The following CELF3 variants were observed in gnomAD, a reference collection of about 807,000 sequenced individuals.
CELF3 encodes the protein CUGBP Elav-like family member 3.
A neutral mutation model predicts 59.6 loss-of-function variants in CELF3; 26 were observed. That is an observed-to-expected ratio of 0.44 (90% CI 0.32 to 0.61). The LOEUF is 0.61. Among genes scored for constraint, CELF3 ranks in the 20% least tolerant of loss-of-function variants. The pLI, the probability that CELF3 is intolerant of heterozygous loss-of-function variation, is 0.06. For missense variants in CELF3, 387 were observed against 627.2 expected (o/e 0.62, Z 4.09); for synonymous variants, 245 against 250.7 (o/e 0.98, Z 0.22).
intron 2 of CELF3, chr1:151,710,409 C>T (rs1465932651): frequency 6.7e-6 from 2 of 296,710 alleles, no homozygotes; most frequent in Admixed American, 4.3e-5. Context: ...CCGTCCCCGT[C>T]GCCCTGGCGA....
rs1672234797 is a variant in CELF3, at chr1:151,703,411, G to A, written c.*48C>T. The A allele has an allele frequency of 2.7e-6, 1 of 365,266 alleles. No homozygotes were observed. Among genetic ancestry groups the A allele is most frequent in the South Asian group, 1.9e-5 (1 of 51,454 alleles). The allele number at this position is 365,266 out of a possible 1,614,324, so 22.6% of individuals were successfully genotyped here. ...AGAGGGCCGGGGCCAGTCGTGGGAAGAGGGTGTGAGGCGCCCCTTCCTCTG... is the reference window on the plus strand; with the variant it reads ...AGAGGGCCGGGGCCAGTCGTGGGAAAAGGGTGTGAGGCGCCCCTTCCTCTG... On this transcript the variant is annotated 3_prime_UTR_variant, in exon 13 of 13. Coordinates refer to ENST00000290583, the MANE Select transcript of CELF3 (RefSeq NM_007185.7).
intron 8 of CELF3, 99 bp downstream of exon 8, chr1:151,707,046 G>A (rs1384956823): frequency 1.5e-6 from 2 of 1,308,720 alleles, no homozygotes; most frequent in East Asian, 2.7e-5. Context: ...GGAAGCACCT[G>A]TACCCCCAAA....
In CELF3 at chr1:151,702,206, C is replaced by G. The variant is rs939977468; in HGVS notation, c.*1253G>C. ...CTTGTGCCGAACTCTGCAGGACATTCCAGAATTAAGCCCCAAAGAAGGGCT... is the reference window on the plus strand; with the variant it reads ...CTTGTGCCGAACTCTGCAGGACATTGCAGAATTAAGCCCCAAAGAAGGGCT... On this transcript the variant is annotated 3_prime_UTR_variant, in exon 13 of 13. Coordinates refer to ENST00000290583, the MANE Select transcript of CELF3 (RefSeq NM_007185.7). 6.6e-6 allele frequency among the ~76,000 whole-genome samples: 1 copy of G among 152,174 alleles called. No individual in the cohort carries two copies. Among genetic ancestry groups the G allele is most frequent in the African/African-American group, 2.4e-5 (1 of 41,444 alleles).
chr1:151,710,492 T>C, intron 2 of CELF3: 1 of 317,968 alleles, frequency 3.1e-6, no homozygotes, highest in Non-Finnish European at 6.2e-6. Flanking sequence ...GTTAACAGGG[T>C]ATGCTGGGGG....
chr1:151,707,734 G>A, intron 6 of CELF3, 58 bp downstream of exon 6: 1 of 1,603,186 alleles, frequency 6.2e-7, no homozygotes, highest in South Asian at 1.1e-5. Context: ...CATCGGGAGG[G>A]TGGGGGCAAG....
intron 12 of CELF3, among the ~76,000 whole-genome samples, chr1:151,704,111 C>T (rs1672312138): frequency 6.6e-6 from 1 of 152,138 alleles, no homozygotes. Context: ...AGACAACACG[C>T]TCGTTCCATG....
In CELF3 at chr1:151,701,516, A is replaced by C. The variant is rs977227284; in HGVS notation, c.*1943T>G. On this transcript the variant is annotated 3_prime_UTR_variant, in exon 13 of 13. Coordinates refer to ENST00000290583, the MANE Select transcript of CELF3 (RefSeq NM_007185.7). The stretch of plus-strand genomic sequence containing the variant: ...AAGAAGAGAACATCATGGGCTTTGG[A>C]ATCTGACAAACTGGGTTCAACTCCT... Among the ~76,000 whole-genome samples, 2 of 152,128 alleles carry C rather than the reference A, an allele frequency of 1.3e-5. No individual in the cohort carries two copies.
chr1:151,702,317 T>G lies in CELF3; in HGVS notation c.*1142A>C, dbSNP rs1049824390. 1 of 152,176 alleles carries G rather than the reference T, an allele frequency of 6.6e-6. No individual in the cohort carries two copies. The highest frequency in any genetic ancestry group is 2.4e-5 in the African/African-American group (1 of 41,428). 9.4% of individuals were successfully genotyped at this position (152,176 alleles called of 1,614,324 possible). On this transcript the variant is annotated 3_prime_UTR_variant, in exon 13 of 13. Transcript: ENST00000290583. Reference sequence around the variant, plus strand: ...GCCTTCCCTGATGGGATTTTCTCTCTCAAACCTCATTCTCTACCTCCCTCC... The same window carrying G: ...GCCTTCCCTGATGGGATTTTCTCTCGCAAACCTCATTCTCTACCTCCCTCC...
In CELF3 at chr1:151,700,988, G is replaced by A. The variant is rs1672046655; in HGVS notation, c.*2471C>T. The A allele has an allele frequency of 6.6e-6, 1 of 152,226 alleles. No homozygotes were observed. The highest frequency in any genetic ancestry group is 6.5e-5 in the Admixed American group (1 of 15,280). 9.4% of individuals were successfully genotyped at this position (152,226 alleles called of 1,614,324 possible). A position where few individuals can be genotyped will look rare whatever the true frequency, so the allele number is the denominator to read the frequency against. On this transcript the variant is annotated 3_prime_UTR_variant, in exon 13 of 13. Coordinates refer to ENST00000290583, the MANE Select transcript of CELF3 (RefSeq NM_007185.7). ...GATACAGTGCTGGACAAAGCAGACT[G>A]GGTAGTAAATGTTGGTGAATTAACT...
Position 151,706,728 on chromosome 1 carries a change from C to G in CELF3, c.929G>C (p.Ser310Thr). 6.5e-7 allele frequency: 1 copy of G among 1,549,718 alleles called. No homozygotes were observed. The highest frequency in any genetic ancestry group is 8.7e-7 in the Non-Finnish European group (1 of 1,146,080). The change falls in exon 9 of 13, where the codon AGC becomes ACC. Residue 310 changes from serine to threonine, a missense_variant. By Grantham distance (58) the Ser-to-Thr change is moderately conservative. Around this residue, in one of 3 missense-constraint regions of CELF3, gnomAD observed 131 missense variants for 153.7 expected, o/e 0.85. Transcript: ENST00000290583. The part of the protein sequence containing the change: ...PNGVHPYPAQ[S>T]PAAPVDPLQQ... ...CAGGGGGTCCACGGGGGCCGCGGGG[C>G]TCTGGGCTGGGGAGAGCAGCACAGA...
At position 151,709,575 on chromosome 1, in the gene CELF3, GC is replaced by G; in HGVS notation, c.277+167del. 1.1e-6 allele frequency: 1 copy of G among 919,940 alleles called. No individual in the cohort carries two copies. The highest frequency in any genetic ancestry group is 1.7e-6 in the Non-Finnish European group (1 of 587,366). 57.0% of individuals were successfully genotyped at this position (919,940 alleles called of 1,614,324 possible). On this transcript the variant is annotated intron_variant, in intron 3 of 12. Coordinates refer to ENST00000290583, the MANE Select transcript of CELF3 (RefSeq NM_007185.7). The surrounding 1 kb of genome is among the most constrained non-coding windows in gnomAD (Gnocchi z 4.9). Reference sequence around the variant, plus strand: ...GGCCTCAGTTTTGCCATCTGTACCCGCCCCAGATCTCACCCGCTCTGGCCAC... The same window carrying G: ...GGCCTCAGTTTTGCCATCTGTACCCGCCCAGATCTCACCCGCTCTGGCCAC...
Position 151,709,128 on chromosome 1 carries a change from G to A in CELF3, c.407-51C>T, listed in dbSNP as rs767787604. On this transcript the variant is annotated intron_variant, in intron 4 of 12. Coordinates refer to ENST00000290583, the MANE Select transcript of CELF3 (RefSeq NM_007185.7). This position sits in a 1 kb window ranked among gnomAD's most constrained non-coding sequence, Gnocchi z 4.9. The stretch of plus-strand genomic sequence containing the variant: ...GAGGGGTAAGCACCCATCCCTGCGG[G>A]ACCCCGCGGTGGAACCCGATGCCTA... 1.2e-6 allele frequency: 2 copies of A among 1,607,264 alleles called. No individual in the cohort carries two copies. The highest frequency in any genetic ancestry group is 1.7e-6 in the Non-Finnish European group (2 of 1,174,746).
chr1:151,714,881 G>T (rs1260290260), intron 1 of CELF3, among the ~76,000 whole-genome samples: 2 of 152,124 alleles, frequency 1.3e-5, no homozygotes, highest in African/African-American at 2.4e-5. Flanking sequence ...TACTGGTGGT[G>T]ATGGGAGAGG....
chr1:151,703,560 G>C, intron 12 of CELF3, 112 bp from the exon 13 acceptor site: 1 of 317,538 alleles, frequency 3.1e-6, no homozygotes. Context: ...GGATGGGGCT[G>C]CCTGAGGAAG....
rs1365771424 is a variant in CELF3 at position 151,716,709 on chromosome 1, G to A, written c.-689C>T. 1 of 437,864 alleles carries A rather than the reference G, an allele frequency of 2.3e-6. No individual in the cohort carries two copies. The highest frequency in any genetic ancestry group is 4.6e-6 in the Non-Finnish European group (1 of 216,330). 27.1% of individuals were successfully genotyped at this position (437,864 alleles called of 1,614,324 possible). A position where few individuals can be genotyped will look rare whatever the true frequency, so the allele number is the denominator to read the frequency against. On this transcript the variant is annotated 5_prime_UTR_variant, in exon 1 of 13. Coordinates refer to ENST00000290583, the MANE Select transcript of CELF3 (RefSeq NM_007185.7). ...CCACCCCAGTCCCCGGGCCTGGGCT[G>A]CTGCCGGCTGCTCCCGCCGCTGGGG... is the stretch of plus-strand genomic sequence containing the variant.
rs892388655 is a variant in CELF3 at position 151,705,052 on chromosome 1, G to T, written c.1387C>A (p.Arg463=). ...CCACCTGGGGGCCCTCAGTAGGGCC[G>T]GTTGGCATCCTTAGGCCGCTTTAGC... ...VQLKRPKDAN[R]PY is the part of the protein sequence containing the mutation. Residue 463 remains arginine, a synonymous_variant, in exon 12 of 13, where the codon CGG becomes AGG. Coordinates refer to ENST00000290583, the MANE Select transcript of CELF3 (RefSeq NM_007185.7). This position sits in a 1 kb window ranked among gnomAD's most constrained non-coding sequence, Gnocchi z 5.1. The T allele has an allele frequency of 3.1e-6, 5 of 1,613,042 alleles. No individual in the cohort carries two copies. Among genetic ancestry groups the T allele is most frequent in the Middle Eastern group, 1.7e-4 (1 of 6,022 alleles).
At chr1:151,703,608 C>T (rs1307083826) in intron 12 of CELF3, among the ~76,000 whole-genome samples, 160 bp from the exon 13 acceptor site, 1 of 151,952 alleles carries the variant, frequency 6.6e-6, no homozygotes, top group Non-Finnish European at 1.5e-5. Flanking sequence ...GACCCATCTG[C>T]CCCCACCCCC....
In CELF3 at chr1:151,707,215, C is replaced by T. The variant is rs762044319; in HGVS notation, c.852G>A (p.Pro284=). 1.8e-5 allele frequency: 28 copies of T among 1,544,706 alleles called. No homozygotes were observed. The highest frequency in any genetic ancestry group is 4.2e-5 in the African/African-American group (3 of 72,238). Residue 284 remains proline (P), a synonymous_variant, in exon 8 of 13, where the codon CCG becomes CCA. Transcript: ENST00000290583. The stretch of plus-strand genomic sequence containing the variant: ...GCTGCCCAGTGGGCTGGGTGGGCAC[C>T]GGGCTGTAGCCGTTGACGCCCAGGG... ...PAALGVNGYS[P]VPTQPTGQPA... is the part of the protein sequence containing the mutation.
At position 151,705,022 on chromosome 1, in the gene CELF3, G is replaced by A. The variant is rs775065575; in HGVS notation, c.*10+9C>T. ...CTGGGGAGGGAGGCCACAACGGAGC[G>A]GGACCCACCTGGGGGCCCTCAGTAG... On this transcript the variant is annotated intron_variant, in intron 12 of 12. Transcript: ENST00000290583. The surrounding 1 kb of genome is among the most constrained non-coding windows in gnomAD (Gnocchi z 5.1). The A allele has an allele frequency of 2.1e-5, 33 of 1,606,344 alleles. No individual in the cohort carries two copies. The highest frequency in any genetic ancestry group is 3.3e-5 in the South Asian group (3 of 90,658).
Sources: gnomAD v4.1 joint callset for allele counts (sites outside exome capture counted in the v4.1 genomes callset) on GRCh38, gnomAD v4.1.1 for gene constraint, gnomAD v4.1.1 regional missense constraint, Gnocchi (gnomAD v3.1) non-coding constraint, MANE v1.5 for transcripts, NCBI Gene and HGNC (gene_info 2026-07-23, HGNC 2026-07-21) for gene names.